TMC2: variants seen among roughly 807,000 people sequenced by gnomAD.
The protein encoded by TMC2 is transmembrane channel-like protein 2.
In TMC2, 102 loss-of-function variants were observed where a neutral mutation model predicts 105.9. The ratio of observed to expected loss-of-function variants is 0.96; its 90% confidence interval spans 0.82 to 1.14. TMC2 has a LOEUF of 1.14. Ranked by LOEUF, TMC2 falls within the 50% of genes most tolerant of loss-of-function variation. TMC2 has a pLI of 0.00. For synonymous variants in TMC2, 402 were observed against 422.8 expected (o/e 0.95, Z 0.60); for missense variants, 1,093 against 1,134.3 (o/e 0.96, Z 0.52).
At chr20:2,562,838 C>T (rs1041046156) in intron 4 of TMC2, among the ~76,000 whole-genome samples, 9 of 151,660 alleles carry the variant, frequency 5.9e-5, no homozygotes, top group African/African-American at 1.7e-4. Flanking sequence ...CCCAGTTACT[C>T]GGGAGGCTGA....
At chr20:2,634,672 G>T (rs2086628656) in intron 17 of TMC2, among the ~76,000 whole-genome samples, 1 of 152,202 alleles carries the variant, frequency 6.6e-6, no homozygotes, top group African/African-American at 2.4e-5. Context: ...TGCTGGGTCT[G>T]TGATCTTGAG....
In TMC2 at chr20:2,558,861, C is replaced by T. The variant is rs2122827168; in HGVS notation, c.401+87C>T. On this transcript the variant is annotated intron_variant, in intron 3 of 19. Coordinates refer to ENST00000358864, the MANE Select transcript of TMC2 (RefSeq NM_080751.3). The surrounding 1 kb of genome is among the most constrained non-coding windows in gnomAD (Gnocchi z 4.6). ...CCCCTTCCCCCGTGAGGGACTGATG[C>T]CCCCCTCCCCGGGGAGAGGCAGCCC... 11 of 1,346,788 alleles carry T rather than the reference C, an allele frequency of 8.2e-6. No individual in the cohort carries two copies. The highest frequency in any genetic ancestry group is 5.0e-5 in the East Asian group (2 of 39,944). 83.4% of individuals were successfully genotyped at this position (1,346,788 alleles called of 1,614,324 possible).
intron 11 of TMC2, among the ~76,000 whole-genome samples, chr20:2,607,905 A>G (rs1368112631): frequency 6.6e-6 from 1 of 152,166 alleles, no homozygotes; most frequent in East Asian, 1.9e-4. Context: ...CGGGTGGATC[A>G]CCTGAAGTCA....
chr20:2,572,176 C>T lies in TMC2; in HGVS notation c.555-3C>T. The T allele has an allele frequency of 6.3e-7, 1 of 1,598,914 alleles. No individual in the cohort carries two copies. The highest frequency in any genetic ancestry group is 8.5e-7 in the Non-Finnish European group (1 of 1,173,798). On this transcript the variant is annotated splice_polypyrimidine_tract_variant and splice_region_variant and intron_variant, in intron 4 of 19. Transcript: ENST00000358864. The stretch of plus-strand genomic sequence containing the variant: ...TCCTGCTTTTTTTTTTTTTTCTAAG[C>T]AGGGAGGCCCAGGAATTTGTGGAGA...
intron 2 of TMC2, among the ~76,000 whole-genome samples, chr20:2,556,112 G>A (rs776914552): frequency 7.3e-5 from 11 of 151,334 alleles, no homozygotes; most frequent in Admixed American, 3.3e-4. Context: ...TTTTTGAGAC[G>A]GAGCCTTGCT....
At chr20:2,629,887 T>G (rs923693281) in intron 17 of TMC2, among the ~76,000 whole-genome samples, 1 of 152,236 alleles carries the variant, frequency 6.6e-6, no homozygotes, top group Non-Finnish European at 1.5e-5. Flanking sequence ...ATTCATTTAT[T>G]TATTATCTAT....
At chr20:2,598,393 A>ATTTTATTT (rs1236858411) in intron 10 of TMC2, among the ~76,000 whole-genome samples, 1 of 92,388 alleles carries the variant, frequency 1.1e-5, no homozygotes, top group Admixed American at 1.2e-4. Context: ...CCTTGCCTCT[A>ATTTTATTT]CTTTATTTAT....
rs977417376 is a variant in TMC2 at position 2,641,434 on chromosome 20, C to G, written c.*83C>G. 12 of 810,198 alleles carry G rather than the reference C, an allele frequency of 1.5e-5. No individual in the cohort carries two copies. The highest frequency in any genetic ancestry group is 2.2e-5 in the Admixed American group (1 of 45,220). 50.2% of individuals were successfully genotyped at this position (810,198 alleles called of 1,614,324 possible). A position where few individuals can be genotyped will look rare whatever the true frequency, so the allele number is the denominator to read the frequency against. ...ACACATACCAAACCAAGGTTCTCTC[C>G]CCTCTTTCCTCTCACATACATGCTC... On this transcript the variant is annotated 3_prime_UTR_variant, in exon 20 of 20. Coordinates refer to ENST00000358864, the MANE Select transcript of TMC2 (RefSeq NM_080751.3).
intron 17 of TMC2, among the ~76,000 whole-genome samples, chr20:2,635,592 G>A (rs1218408667): frequency 6.6e-6 from 1 of 152,148 alleles, no homozygotes; most frequent in Non-Finnish European, 1.5e-5. Flanking sequence ...CAGGGCAGGT[G>A]CCCAGGAAAC....
At chr20:2,557,892 T>G (rs982246294) in intron 2 of TMC2, among the ~76,000 whole-genome samples, 3 of 152,308 alleles carry the variant, frequency 2.0e-5, no homozygotes, top group South Asian at 2.1e-4. Flanking sequence ...GGAGAAGAGA[T>G]TTCTTTCCTT....
chr20:2,548,553 G>A (rs1010297713), intron 2 of TMC2, among the ~76,000 whole-genome samples: 41 of 151,756 alleles, frequency 2.7e-4, no homozygotes, highest in African/African-American at 9.4e-4. Context: ...CAGGAGAATT[G>A]CTTGAACCCA....
At chr20:2,611,047 C>T (rs1297769718) in intron 12 of TMC2, among the ~76,000 whole-genome samples, 1 of 152,202 alleles carries the variant, frequency 6.6e-6, no homozygotes. Flanking sequence ...AGTGTGTTCA[C>T]ACACTGGGCT....
chr20:2,567,590 G>A (rs2086073295), intron 4 of TMC2, among the ~76,000 whole-genome samples: 2 of 151,990 alleles, frequency 1.3e-5, no homozygotes, highest in Non-Finnish European at 2.9e-5. Context: ...TAGAGACAGG[G>A]TCTCACTATA....
intron 17 of TMC2, among the ~76,000 whole-genome samples, chr20:2,634,658 C>T (rs1401451050): frequency 6.6e-6 from 1 of 152,160 alleles, no homozygotes; most frequent in Non-Finnish European, 1.5e-5. Context: ...TTTTATCCAC[C>T]ATTTGCTGGG....
At chr20:2,579,314 G>C in intron 6 of TMC2, 87 bp downstream of exon 6, 2 of 745,062 alleles carry the variant, frequency 2.7e-6, no homozygotes. Flanking sequence ...CCTCTGAATA[G>C]ATTATTTCAT....
At chr20:2,580,529 C>T (rs898084629) in intron 7 of TMC2, among the ~76,000 whole-genome samples, 2 of 152,030 alleles carry the variant, frequency 1.3e-5, no homozygotes, top group African/African-American at 4.8e-5. Context: ...TTATTTATCA[C>T]CAAAAAAACT....
intron 5 of TMC2, among the ~76,000 whole-genome samples, chr20:2,575,897 G>A (rs1467177200): frequency 6.6e-6 from 1 of 151,706 alleles, no homozygotes; most frequent in Non-Finnish European, 1.5e-5. Context: ...TAGCTTCCTT[G>A]TAATCCTTCC....
intron 2 of TMC2, among the ~76,000 whole-genome samples, chr20:2,545,050 A>G: frequency 7.0e-6 from 1 of 142,100 alleles, no homozygotes; most frequent in Admixed American, 7.4e-5. Context: ...AAAAAAAAAA[A>G]AATTTAATTA....
At chr20:2,550,045 T>C (rs1300347275) in intron 2 of TMC2, among the ~76,000 whole-genome samples, 1 of 151,944 alleles carries the variant, frequency 6.6e-6, no homozygotes, top group Non-Finnish European at 1.5e-5. Context: ...TAGTTGGGCA[T>C]AGTGGTGCGC....
Sources: allele counts gnomAD v4.1 joint callset (sites outside exome capture counted in the v4.1 genomes callset), GRCh38; gene constraint gnomAD v4.1.1; non-coding constraint Gnocchi (gnomAD v3.1); transcripts MANE v1.5; gene names NCBI Gene and HGNC (gene_info 2026-07-23, HGNC 2026-07-21).